The following ARFIP1 variants were observed in gnomAD, a reference collection of about 807,000 sequenced individuals.
ARFIP1 encodes arfaptin-1.
ARFIP1 carries 24 observed loss-of-function variants against 42.5 expected under a neutral mutation model. The observed-to-expected ratio is 0.57, with a 90% confidence interval of 0.41 to 0.80. The LOEUF (loss-of-function observed/expected upper bound fraction) is 0.80, where lower values mean the gene tolerates loss of function less well. Ranked by LOEUF, ARFIP1 falls within the 30% of genes least tolerant of loss-of-function variation. The pLI is 0.00. For synonymous variants in ARFIP1, 141 were observed against 153.7 expected (o/e 0.92, Z 0.61); for missense variants, 354 against 434.0 (o/e 0.82, Z 1.64).
At chr4:152,803,304 G>C (rs920840157) in intron 1 of ARFIP1, among the ~76,000 whole-genome samples, 1 of 152,154 alleles carries the variant, frequency 6.6e-6, no homozygotes, top group East Asian at 1.9e-4. Context: ...ATGACATTGA[G>C]TGAAAAGACC....
In ARFIP1 at chr4:152,889,865, CTA is replaced by C. The variant is rs1213504729; in HGVS notation, c.966+1567_966+1568del. Among the ~76,000 whole-genome samples the C allele has an allele frequency of 6.0e-3, 745 of 123,176 alleles. 9 individuals are homozygous for C. Among genetic ancestry groups the C allele is most frequent in the African/African-American group, 0.022 (693 of 31,726 alleles). 80.8% of individuals were successfully genotyped at this position (123,176 alleles called of 152,430 possible). On this transcript the variant is annotated intron_variant, in intron 8 of 8. Transcript: ENST00000353617. ...ATATATACTATATATACTATATATACTATATATATACTAATATATAGTGTATG... is the reference window on the plus strand; with the variant it reads ...ATATATACTATATATACTATATATACTATATATACTAATATATAGTGTATG...
chr4:152,872,104 G>A (rs1025034429), intron 4 of ARFIP1, among the ~76,000 whole-genome samples: 1 of 151,988 alleles, frequency 6.6e-6, no homozygotes, highest in African/African-American at 2.4e-5. Flanking sequence ...TTCTTTTTTA[G>A]TGTCATTAGT....
At chr4:152,802,547 G>A (rs1485894627) in intron 1 of ARFIP1, among the ~76,000 whole-genome samples, 2 of 152,134 alleles carry the variant, frequency 1.3e-5, no homozygotes, top group African/African-American at 4.8e-5. Context: ...TTAAGAAACA[G>A]CTAGAAATAC....
intron 5 of ARFIP1, among the ~76,000 whole-genome samples, chr4:152,879,374 T>C (rs1388753641): frequency 6.6e-6 from 1 of 152,194 alleles, no homozygotes; most frequent in Non-Finnish European, 1.5e-5. Flanking sequence ...TATCTGAGAT[T>C]GTATATGTTT....
intron 8 of ARFIP1, among the ~76,000 whole-genome samples, chr4:152,895,774 C>A (rs1737271848): frequency 6.6e-6 from 1 of 151,930 alleles, no homozygotes; most frequent in Non-Finnish European, 1.5e-5. Context: ...GTTGCCCAGG[C>A]TGTTTTCAAA....
chr4:152,876,438 T>C (rs1735339113), intron 5 of ARFIP1, among the ~76,000 whole-genome samples: 1 of 152,196 alleles, frequency 6.6e-6, no homozygotes, highest in African/African-American at 2.4e-5. Context: ...AGAGATGATT[T>C]AGGGTATCTG....
intron 2 of ARFIP1, among the ~76,000 whole-genome samples, chr4:152,835,886 G>A (rs1455258679): frequency 6.6e-6 from 1 of 152,204 alleles, no homozygotes; most frequent in Non-Finnish European, 1.5e-5. Context: ...TAAAAGGGGA[G>A]CAGACACATC....
At chr4:152,798,256 C>G (rs540353665) in intron 1 of ARFIP1, among the ~76,000 whole-genome samples, 3 of 152,282 alleles carry the variant, frequency 2.0e-5, no homozygotes, top group Non-Finnish European at 4.4e-5. Context: ...GAGCGAGACA[C>G]CGTCTCAAAA....
At chr4:152,854,483 G>A (rs1336035484) in intron 2 of ARFIP1, among the ~76,000 whole-genome samples, 2 of 152,018 alleles carry the variant, frequency 1.3e-5, no homozygotes, top group Non-Finnish European at 2.9e-5. Flanking sequence ...TTTTGGTTGG[G>A]ATCTGTTGCT....
intron 1 of ARFIP1, among the ~76,000 whole-genome samples, chr4:152,817,762 C>A (rs1037294736): frequency 6.6e-6 from 1 of 152,112 alleles, no homozygotes; most frequent in Admixed American, 6.5e-5. Context: ...ACAACAAAAA[C>A]CCCCTAACAA....
intron 1 of ARFIP1, chr4:152,796,414 C>T: frequency 4.1e-6 from 3 of 740,356 alleles, no homozygotes; most frequent in Non-Finnish European, 7.5e-6. Context: ...TCCATGCCTT[C>T]TTCTTTCTCT....
intron 7 of ARFIP1, among the ~76,000 whole-genome samples, chr4:152,885,688 A>T (rs368310081): frequency 6.6e-6 from 1 of 152,124 alleles, no homozygotes; most frequent in African/African-American, 2.4e-5. Context: ...AACTTTGAAT[A>T]TGTTTGAGTT....
intron 1 of ARFIP1, among the ~76,000 whole-genome samples, chr4:152,808,747 C>A (rs1196689029): frequency 6.6e-6 from 1 of 152,084 alleles, no homozygotes; most frequent in Non-Finnish European, 1.5e-5. Context: ...TTTGTAGCTC[C>A]TTCCCAATGC....
chr4:152,840,556 G>A (rs937404373), intron 2 of ARFIP1, among the ~76,000 whole-genome samples: 3 of 152,110 alleles, frequency 2.0e-5, no homozygotes, highest in Non-Finnish European at 4.4e-5. Context: ...TTTGTCTGAT[G>A]TAAGAATAGC....
chr4:152,876,779 G>A (rs1388518650), intron 5 of ARFIP1, among the ~76,000 whole-genome samples: 4 of 152,218 alleles, frequency 2.6e-5, no homozygotes, highest in South Asian at 4.1e-4. Flanking sequence ...TCCCTGTGCT[G>A]TATGCAGCCT....
intron 1 of ARFIP1, among the ~76,000 whole-genome samples, chr4:152,813,159 T>C (rs899695880): frequency 6.6e-6 from 1 of 152,200 alleles, no homozygotes; most frequent in African/African-American, 2.4e-5. Flanking sequence ...GTTACTTATA[T>C]AGCATTTGCA....
rs116761503 is a variant in ARFIP1 at position 152,816,581 on chromosome 4, A to G, written c.-9-13044A>G. ...AGCACAAGTGTGAACACATATACAC[A>G]TACATGACCATGAACATTTATGACT... On this transcript the variant is annotated intron_variant, in intron 1 of 8. Coordinates refer to ENST00000353617, the MANE Select transcript of ARFIP1 (RefSeq NM_001025595.3). 1.3e-3 allele frequency among the ~76,000 whole-genome samples: 194 copies of G among 152,382 alleles called. 2 individuals are homozygous for G. The highest frequency in any genetic ancestry group is 4.5e-3 in the African/African-American group (188 of 41,586).
At chr4:152,801,077 A>C (rs1414859827) in intron 1 of ARFIP1, among the ~76,000 whole-genome samples, 1 of 152,168 alleles carries the variant, frequency 6.6e-6, no homozygotes, top group Non-Finnish European at 1.5e-5. Flanking sequence ...TTGAGTGTCA[A>C]GCTGAGGAGT....
chr4:152,783,776 A>G (rs768842587), intron 1 of ARFIP1, among the ~76,000 whole-genome samples: 5 of 152,184 alleles, frequency 3.3e-5, no homozygotes, highest in Admixed American at 6.5e-5. Context: ...TTGACAAAAA[A>G]GTGAATTTGG....
Sources: gnomAD v4.1 joint callset for allele counts (sites outside exome capture counted in the v4.1 genomes callset) on GRCh38, gnomAD v4.1.1 for gene constraint, MANE v1.5 for transcripts, NCBI Gene and HGNC (gene_info 2026-07-23, HGNC 2026-07-21) for gene names.